Variants in ZMYM2 observed in about 807,000 individuals in gnomAD.
The protein encoded by ZMYM2 is zinc finger MYM-type protein 2.
A neutral mutation model predicts 162.8 loss-of-function variants in ZMYM2; 56 were observed. The ratio of observed to expected loss-of-function variants is 0.34; its 90% CI spans 0.28 to 0.43. ZMYM2 has a LOEUF of 0.43. Among genes scored for constraint, ZMYM2 ranks in the 20% least tolerant of loss-of-function variants. The pLI is 1.00. For missense variants in ZMYM2, 1,275 were observed against 1,621.8 expected, an observed-to-expected ratio of 0.79 and a Z score of 3.67; for synonymous variants, 510 against 541.6, an observed-to-expected ratio of 0.94 and a Z score of 0.81.
Position 20,046,597 on chromosome 13 carries a change from GTGTGTGTGTGTATATATA to G in ZMYM2, c.2293-4830_2293-4813del, listed in dbSNP as rs1287961711. Among the ~76,000 whole-genome samples the G allele has an allele frequency of 3.0e-4, 8 of 26,602 alleles. No homozygotes were observed. The East Asian group carries it at 6.9e-3, about 23-fold the overall frequency. 17.5% of individuals were successfully genotyped at this position (26,602 alleles called of 152,430 possible). ...TATATATATATGTGTGTGTGTGTGT[GTGTGTGTGTGTATATATA>G]TGTGTATATATATGTGTATATATAT... On this transcript the variant is annotated intron_variant, in intron 12 of 24. Transcript: ENST00000610343.
chr13:19,922,389 A>T, the ZMYM2 span, among the ~76,000 whole-genome samples: 60,880 of 152,012 alleles, frequency 0.4, 12,377 homozygotes, highest in Admixed American at 0.42. Context: ...TTAATTTATA[A>T]CTACTTGTGG....
At chr13:20,013,073 TA>T (rs754435855) in intron 6 of ZMYM2, among the ~76,000 whole-genome samples, 110 of 152,360 alleles carry the variant, frequency 7.2e-4, no homozygotes, top group Non-Finnish European at 1.1e-3. Flanking sequence ...AATAGTAAGT[TA>T]TTCTGTCTGT....
chr13:19,866,325 A>C, the ZMYM2 span, among the ~76,000 whole-genome samples: 3 of 152,192 alleles, frequency 2.0e-5, no homozygotes, highest in Non-Finnish European at 2.9e-5. Context: ...AAGCTTGTAA[A>C]TTTTGCCTGT....
chr13:20,031,276 A>G, intron 9 of ZMYM2, 43 bp from the exon 10 acceptor site: 1 of 1,375,752 alleles, frequency 7.3e-7, no homozygotes, highest in Non-Finnish European at 1.0e-6. Flanking sequence ...ATAGAAATTC[A>G]AACATACATG....
At chr13:20,079,212 G>A (rs757872740) in intron 21 of ZMYM2, among the ~76,000 whole-genome samples, 8 of 150,176 alleles carry the variant, frequency 5.3e-5, no homozygotes, top group Non-Finnish European at 1.0e-4. Flanking sequence ...TCAGCTACTC[G>A]GGAGGCTGAG....
intron 9 of ZMYM2, among the ~76,000 whole-genome samples, chr13:20,028,296 T>C (rs998621913): frequency 4.6e-5 from 7 of 152,188 alleles, no homozygotes; most frequent in African/African-American, 1.4e-4. Flanking sequence ...CAGTGGTAGA[T>C]ATTGCTTTTG....
the ZMYM2 span, among the ~76,000 whole-genome samples, chr13:19,940,108 A>G: frequency 5.3e-5 from 8 of 152,220 alleles, no homozygotes; most frequent in Non-Finnish European, 1.0e-4. Flanking sequence ...ATAGAATGAT[A>G]TTTCATTAAT....
chr13:20,015,063 ACTTT>A (rs1218364764), intron 6 of ZMYM2, among the ~76,000 whole-genome samples: 1 of 152,002 alleles, frequency 6.6e-6, no homozygotes, highest in Non-Finnish European at 1.5e-5. Context: ...GCCTGGACTT[ACTTT>A]CTTTCTTTTT....
chr13:20,069,007 C>T (rs1259629671), intron 21 of ZMYM2, among the ~76,000 whole-genome samples: 1 of 152,126 alleles, frequency 6.6e-6, no homozygotes, highest in African/African-American at 2.4e-5. Context: ...AAGGGGTTCT[C>T]TGCCCCACTG....
chr13:20,074,860 T>A (rs919577409), intron 21 of ZMYM2, among the ~76,000 whole-genome samples: 2 of 152,238 alleles, frequency 1.3e-5, no homozygotes, highest in Non-Finnish European at 2.9e-5. Context: ...TAAAATAGGT[T>A]CCTTATGTAT....
the ZMYM2 span, among the ~76,000 whole-genome samples, chr13:19,919,734 A>G: frequency 0.031 from 4,633 of 149,790 alleles, 251 homozygotes; most frequent in African/African-American, 0.099. Context: ...CTGAAGTGCA[A>G]TGGTGCGATC....
At position 20,067,300 on chromosome 13, in the gene ZMYM2, G is replaced by C; in HGVS notation, c.3363G>C (p.Gly1121=). The change falls in exon 21 of 25, where the codon GGG becomes GGC. Residue 1121 remains glycine (G), a synonymous_variant. Coordinates refer to ENST00000610343, the MANE Select transcript of ZMYM2 (RefSeq NM_197968.4). ...ACACCACAGCTGAGCTTAACTATGGGTTAGCTCATTTTGTCAATGAGATCC... is the reference window on the plus strand; with the variant it reads ...ACACCACAGCTGAGCTTAACTATGGCTTAGCTCATTTTGTCAATGAGATCC... ...LSHTTAELNY[G]LAHFVNEIRR... is the part of the protein sequence containing the mutation. 6.2e-7 allele frequency: 1 copy of C among 1,601,830 alleles called. No homozygotes were observed. Among genetic ancestry groups the C allele is most frequent in the Non-Finnish European group, 8.5e-7 (1 of 1,173,750 alleles).
chr13:20,051,697 T>C, intron 13 of ZMYM2, 99 bp downstream of exon 13: 1 of 1,205,434 alleles, frequency 8.3e-7, no homozygotes, highest in Non-Finnish European at 1.1e-6. Flanking sequence ...ATTTTGGAGA[T>C]AGCTTAACAG....
the ZMYM2 span, among the ~76,000 whole-genome samples, chr13:19,895,063 C>A: frequency 9.9e-6 from 1 of 100,916 alleles, no homozygotes; most frequent in Non-Finnish European, 1.8e-5. Context: ...GGCGAAAGAG[C>A]GAAACTCCAT....
chr13:19,936,252 T>C, the ZMYM2 span, among the ~76,000 whole-genome samples: 3 of 152,188 alleles, frequency 2.0e-5, no homozygotes, highest in Non-Finnish European at 4.4e-5. Context: ...TGGTGATTTT[T>C]CCCATAAAAT....
At chr13:19,884,162 G>C in the ZMYM2 span, among the ~76,000 whole-genome samples, 1 of 152,112 alleles carries the variant, frequency 6.6e-6, no homozygotes, top group East Asian at 1.9e-4. Context: ...GAGCTTATGA[G>C]TTTTACAACA....
At position 20,062,891 on chromosome 13, in the gene ZMYM2, A is replaced by G; in HGVS notation, c.2957A>G (p.Asn986Ser). 1 of 1,595,918 alleles carries G rather than the reference A, an allele frequency of 6.3e-7. No homozygotes were observed. The highest frequency in any genetic ancestry group is 1.1e-5 in the South Asian group (1 of 88,500). Residue 986 changes from asparagine to serine, a missense_variant, in exon 18 of 25, where the codon AAC (asparagine) becomes AGC (serine). This residue lies in a region of ZMYM2 where 229 missense variants were observed against 283.8 expected (regional missense o/e 0.81). Transcript: ENST00000610343. ...ATAATTGGTTCAGACCTTTTGAAGAACTCTGACCCAGAGACACAGTCCAGC... is the reference window on the plus strand; with the variant it reads ...ATAATTGGTTCAGACCTTTTGAAGAGCTCTGACCCAGAGACACAGTCCAGC... ...TDIIGSDLLKNSDPETQSSMP... is the reference protein window; with the variant it reads ...TDIIGSDLLKSSDPETQSSMP...
intron 21 of ZMYM2, among the ~76,000 whole-genome samples, chr13:20,081,412 T>C (rs868505869): frequency 3.9e-5 from 6 of 152,330 alleles, no homozygotes; most frequent in African/African-American, 1.4e-4. Context: ...GTAACCACCC[T>C]CACTGTTAAG....
Position 20,066,887 on chromosome 13 carries a change from CATG to C in ZMYM2, c.3175_3177del (p.Asp1059del). 1 of 1,611,056 alleles carries C rather than the reference CATG, an allele frequency of 6.2e-7. No homozygotes were observed. The highest frequency in any genetic ancestry group is 8.5e-7 in the Non-Finnish European group (1 of 1,178,532). ...AAAGGCTGTATCAGGATACCAGTCTCATGATGATAGTTCTGACAATTCAGAATG... is the reference window on the plus strand; with the variant it reads ...AAAGGCTGTATCAGGATACCAGTCTCATGATAGTTCTGACAATTCAGAATG... On this transcript the variant is annotated inframe_deletion, in exon 20 of 25. Coordinates refer to ENST00000610343, the MANE Select transcript of ZMYM2 (RefSeq NM_197968.4).
Sources: allele counts gnomAD v4.1 joint callset (sites outside exome capture counted in the v4.1 genomes callset), GRCh38; gene constraint gnomAD v4.1.1; regional missense constraint gnomAD v4.1.1; transcripts MANE v1.5; gene names NCBI Gene and HGNC (gene_info 2026-07-23, HGNC 2026-07-21).